Variants in GALP observed in about 807,000 individuals in gnomAD.
GALP encodes galanin like peptide, also known as galanin-like peptide.
Under a neutral mutation model 15.2 loss-of-function variants are expected in GALP, and 12 were observed. The observed-to-expected ratio is 0.79, with a 90% CI of 0.51 to 1.28. The LOEUF (loss-of-function observed/expected upper bound fraction) is 1.28, where lower values mean the gene tolerates loss of function less well. Among genes scored for constraint, GALP ranks in the 50% most tolerant of loss-of-function variants. GALP has a pLI of 0.00. For synonymous variants in GALP, 58 were observed against 55.1 expected (o/e 1.05, Z -0.23); for missense variants, 161 against 145.6 (o/e 1.11, Z -0.55).
rs753428241 is a variant in GALP at position 56,177,090 on chromosome 19, A to C, written c.-19A>C. The C allele has an allele frequency of 6.2e-7, 1 of 1,601,974 alleles. No homozygotes were observed. Among genetic ancestry groups the C allele is most frequent in the African/African-American group, 1.3e-5 (1 of 74,672 alleles). On this transcript the variant is annotated 5_prime_UTR_variant, in exon 2 of 6. Transcript: ENST00000357330. ...TGCAGCGTGTTCCGCAGCTGTAGGC[A>C]CCTGTCGTCCTGCCTTCGATGGCTC...
intron 3 of GALP, 143 bp downstream of exon 3, chr19:56,180,777 T>G: frequency 2.9e-6 from 2 of 696,770 alleles, no homozygotes; most frequent in East Asian, 2.7e-5. Flanking sequence ...GGAGGGTTAG[T>G]CTAAGCAGAG....
At chr19:56,180,059 G>A (rs1241583646) in intron 2 of GALP, among the ~76,000 whole-genome samples, 1 of 151,990 alleles carries the variant, frequency 6.6e-6, no homozygotes, top group East Asian at 1.9e-4. Flanking sequence ...TTACAGGCGA[G>A]AGCCACCACG....
rs1599929198 is a variant in GALP at position 56,180,695 on chromosome 19, A to T, written c.136+61A>T. On this transcript the variant is annotated intron_variant, in intron 3 of 5. Transcript: ENST00000357330. ...CCGAGTCTGCCTGGTTGCTGCAGGC[A>T]GTGAGTTTGTGGCTTGTAAAGACCC... 1.1e-5 allele frequency: 15 copies of T among 1,419,668 alleles called. No homozygotes were observed. In the East Asian group the frequency reaches 3.4e-4, roughly 32 times the overall value. The allele number at this position is 1,419,668 out of a possible 1,614,324, so 87.9% of individuals were successfully genotyped here.
chr19:56,179,830 C>T (rs2032532574), intron 2 of GALP, among the ~76,000 whole-genome samples: 1 of 151,774 alleles, frequency 6.6e-6, no homozygotes, highest in Admixed American at 6.6e-5. Flanking sequence ...GAGACGGAGT[C>T]TCACTCTGTT....
At chr19:56,185,152 T>G (rs2032633728) in intron 5 of GALP, 63 bp from the exon 6 acceptor site, 1 of 1,075,620 alleles carries the variant, frequency 9.3e-7, no homozygotes, top group Admixed American at 1.8e-5. Context: ...CATACAAAAA[T>G]TAGCTGGGTG....
chr19:56,185,339 G>T lies in GALP; in HGVS notation c.*69G>T. 1 of 916,504 alleles carries T rather than the reference G, an allele frequency of 1.1e-6. No homozygotes were observed. The highest frequency in any genetic ancestry group is 1.7e-6 in the Non-Finnish European group (1 of 573,640). 56.8% of individuals were successfully genotyped at this position (916,504 alleles called of 1,614,324 possible). A position where few individuals can be genotyped will look rare whatever the true frequency, so the allele number is the denominator to read the frequency against. ...CTGCTCCCTCTGAAACCTTTTCTAG[G>T]TACCCTATGCTGAGACTAAGATCCT... On this transcript the variant is annotated 3_prime_UTR_variant, in exon 6 of 6. Coordinates refer to ENST00000357330, the MANE Select transcript of GALP (RefSeq NM_033106.4).
chr19:56,176,508 CGGGGGTGAGAG>C (rs2032462229), intron 1 of GALP, among the ~76,000 whole-genome samples: 2 of 49,416 alleles, frequency 4.0e-5, no homozygotes, highest in African/African-American at 2.2e-4. Context: ...CCCAGCTGCA[CGGGGGTGAGAG>C]CCTAGGCCAG....
chr19:56,180,512 C>T, intron 2 of GALP, 74 bp from the exon 3 acceptor site: 1 of 1,273,020 alleles, frequency 7.9e-7, no homozygotes, highest in Non-Finnish European at 1.1e-6. Context: ...TGACGACCCA[C>T]ATCACCCCGG....
chr19:56,183,272 A>G, intron 5 of GALP, 60 bp downstream of exon 5: 4 of 1,364,256 alleles, frequency 2.9e-6, no homozygotes, highest in Middle Eastern at 3.6e-4. Context: ...AGGAAGTGGC[A>G]GGCAGAGCTT....
intron 1 of GALP, among the ~76,000 whole-genome samples, chr19:56,176,730 G>A (rs961041325): frequency 2.6e-5 from 4 of 151,942 alleles, no homozygotes; most frequent in African/African-American, 7.3e-5. Context: ...GTGATGGGGG[G>A]CTTGAAGGGA....
intron 1 of GALP, among the ~76,000 whole-genome samples, chr19:56,176,658 C>CCGGGG (rs2032466297): frequency 3.4e-5 from 4 of 116,472 alleles, no homozygotes; most frequent in Admixed American, 2.6e-4. Context: ...CCAAGCTGCA[C>CCGGGG]TGGGGTGAGA....
At chr19:56,182,456 G>A (rs1199234398) in intron 4 of GALP, among the ~76,000 whole-genome samples, 1 of 152,166 alleles carries the variant, frequency 6.6e-6, no homozygotes, top group African/African-American at 2.4e-5. Context: ...TGTTACCAAC[G>A]TGAAATTCCG....
At chr19:56,182,136 C>T (rs368664274) in intron 3 of GALP, 36 bp from the exon 4 acceptor site, 98 of 1,483,246 alleles carry the variant, frequency 6.6e-5, no homozygotes, top group African/African-American at 5.8e-4. Context: ...TCTACTTAAC[C>T]GACCACCTGC....
chr19:56,180,915 C>CTTTCT (rs2032555862), intron 3 of GALP, among the ~76,000 whole-genome samples: 5 of 40,132 alleles, frequency 1.2e-4, no homozygotes, highest in African/African-American at 4.4e-4. Flanking sequence ...TTCTTTCTTT[C>CTTTCT]TTTTTTTTTT....
At chr19:56,179,519 C>T (rs1331347619) in intron 2 of GALP, among the ~76,000 whole-genome samples, 2 of 151,314 alleles carry the variant, frequency 1.3e-5, no homozygotes, top group East Asian at 2.0e-4. Flanking sequence ...TGGGGTTTCA[C>T]GTGTTAGCCA....
rs764916397 is a variant in GALP at position 56,177,151 on chromosome 19, T to C, written c.43T>C (p.Leu15=). ...SVPLVLLLVL[L]LSLAETPASA... ...CCCCCTGGTCCTCCTCCTCGTCCTC[T>C]TGCTGAGCCTGGCAGAGACTCCAGC... The change falls in exon 2 of 6, where the codon TTG becomes CTG. Residue 15 remains leucine, a synonymous_variant. Transcript: ENST00000357330. The C allele has an allele frequency of 5.0e-6, 8 of 1,613,718 alleles. No individual in the cohort carries two copies. The highest frequency in any genetic ancestry group is 6.8e-6 in the Non-Finnish European group (8 of 1,179,920).
chr19:56,184,247 C>T (rs1226837464), intron 5 of GALP, among the ~76,000 whole-genome samples: 2 of 152,262 alleles, frequency 1.3e-5, no homozygotes, highest in South Asian at 2.1e-4. Context: ...TGAGCCACCA[C>T]GCCAGGGACC....
intron 2 of GALP, 59 bp downstream of exon 2, chr19:56,177,254 A>C: frequency 7.1e-7 from 1 of 1,405,462 alleles, no homozygotes; most frequent in Non-Finnish European, 1.0e-6. Flanking sequence ...GCCCTCTGGG[A>C]AGAGTTTTTA....
At chr19:56,179,968 G>A (rs960968460) in intron 2 of GALP, among the ~76,000 whole-genome samples, 4 of 152,008 alleles carry the variant, frequency 2.6e-5, no homozygotes, top group Admixed American at 2.0e-4. Flanking sequence ...TTTATTTTTA[G>A]TAGAGACGAG....
Sources: gnomAD v4.1 joint callset for allele counts (sites outside exome capture counted in the v4.1 genomes callset) on GRCh38, gnomAD v4.1.1 for gene constraint, MANE v1.5 for transcripts, NCBI Gene and HGNC (gene_info 2026-07-23, HGNC 2026-07-21) for gene names.